Variants in IFNE observed in about 807,000 individuals in gnomAD.
IFNE encodes the protein IFN-epsilon.
For missense variants in IFNE, 276 were observed against 232.4 expected (o/e 1.19, Z -1.22); for synonymous variants, 94 against 87.4 (o/e 1.08, Z -0.42).
chr9:21,481,640 T>G lies in IFNE; in HGVS notation c.55A>C (p.Ile19Leu). Residue 19 changes from isoleucine (I) to leucine (L), a missense_variant, in exon 1 of 1, where the codon ATC (isoleucine) becomes CTC (leucine). Coordinates refer to ENST00000448696, the MANE Select transcript of IFNE (RefSeq NM_176891.5). Reference sequence around the variant, plus strand: ...ATCAGTTTCAAATCTAGAGAGAAGATAGTGGTAGAGGCCAGCAGCACCAAC... The same window carrying G: ...ATCAGTTTCAAATCTAGAGAGAAGAGAGTGGTAGAGGCCAGCAGCACCAAC... ...TVLVLLASTT[I>L]FSLDLKLIIF... 2.5e-6 allele frequency: 4 copies of G among 1,613,980 alleles called. No homozygotes were observed. Among genetic ancestry groups the G allele is most frequent in the South Asian group, 2.2e-5 (2 of 91,062 alleles).
In IFNE at chr9:21,481,385, T is replaced by C. The variant is rs1819038252; in HGVS notation, c.310A>G (p.Asn104Asp). ...ANISLDGWEENHTEKFLIQLH... is the reference protein window; with the variant it reads ...ANISLDGWEEDHTEKFLIQLH... ...TGAATGAGGAATTTCTCCGTGTGGT[T>C]TTCCTCCCAACCATCCAGAGAAATA... The change falls in exon 1 of 1, where the codon AAC (asparagine) becomes GAC (aspartate). Residue 104 changes from asparagine (N) to aspartate (D), a missense_variant. Asn to Asp is a conservative substitution (Grantham distance 23). Transcript: ENST00000448696. 1 of 1,614,006 alleles carries C rather than the reference T, an allele frequency of 6.2e-7. No individual in the cohort carries two copies. Among genetic ancestry groups the C allele is most frequent in the Non-Finnish European group, 8.5e-7 (1 of 1,179,982 alleles).
Position 21,482,010 on chromosome 9 carries a change from T to A in IFNE, c.-316A>T, listed in dbSNP as rs1819060801. On this transcript the variant is annotated 5_prime_UTR_variant, in exon 1 of 1. It removes an upstream start codon present in the reference 5' UTR. Coordinates refer to ENST00000448696, the MANE Select transcript of IFNE (RefSeq NM_176891.5). ...ACATAATCTTTTATTATTCTATTCA[T>A]TATATACAAAGTTTCACTGAACACA... 1 of 238,200 alleles carries A rather than the reference T, an allele frequency of 4.2e-6. No individual in the cohort carries two copies. Among genetic ancestry groups the A allele is most frequent in the Non-Finnish European group, 8.7e-6 (1 of 114,688 alleles). 14.8% of individuals were successfully genotyped at this position (238,200 alleles called of 1,614,324 possible).
At position 21,481,197 on chromosome 9, in the gene IFNE, G is replaced by A. The variant is rs1264116901; in HGVS notation, c.498C>T (p.Ala166=). The change falls in exon 1 of 1, where the codon GCC becomes GCT. Residue 166 remains alanine (A), a synonymous_variant. Coordinates refer to ENST00000448696, the MANE Select transcript of IFNE (RefSeq NM_176891.5). ...ENQDYSTCAW[A]IVQVEISRCL... is the part of the protein sequence containing the mutation. The stretch of plus-strand genomic sequence containing the variant: ...ATCGGCTGATTTCTACTTGGACAAT[G>A]GCCCAGGCACAGGTGCTGTAGTCCT... The A allele has an allele frequency of 6.2e-7, 1 of 1,614,158 alleles. No homozygotes were observed. The highest frequency in any genetic ancestry group is 1.7e-5 in the Admixed American group (1 of 60,028).
At position 21,482,213 on chromosome 9, in the gene IFNE, C is replaced by A. The variant is rs1045675485; in HGVS notation, c.-519G>T. On this transcript the variant is annotated 5_prime_UTR_variant, in exon 1 of 1. Transcript: ENST00000448696. ...ACTAAATTTAAAACCTCAATTAGAA[C>A]TGTAAATTGTCACAAATGCTTGAGC... The A allele has an allele frequency of 1.8e-5, 3 of 166,652 alleles. No homozygotes were observed. Among genetic ancestry groups the A allele is most frequent in the African/African-American group, 7.3e-5 (3 of 41,288 alleles). The allele number at this position is 166,652 out of a possible 1,614,324, so 10.3% of individuals were successfully genotyped here.
Position 21,480,882 on chromosome 9 carries a change from A to G in IFNE, c.*186T>C. The G allele has an allele frequency of 2.1e-6, 1 of 481,934 alleles. No homozygotes were observed. The highest frequency in any genetic ancestry group is 4.6e-5 in the South Asian group (1 of 21,950). The allele number at this position is 481,934 out of a possible 1,614,324, so 29.9% of individuals were successfully genotyped here. On this transcript the variant is annotated 3_prime_UTR_variant, in exon 1 of 1. Transcript: ENST00000448696. ...TTAATGAATTTATTTTGACATACAA[A>G]CAATTTAAAATGGATAGAATATATA...
rs1563902603 is a variant in IFNE at position 21,481,775 on chromosome 9, C to T, written c.-81G>A. The T allele has an allele frequency of 7.9e-7, 1 of 1,265,594 alleles. No individual in the cohort carries two copies. Among genetic ancestry groups the T allele is most frequent in the South Asian group, 1.5e-5 (1 of 68,884 alleles). The allele number at this position is 1,265,594 out of a possible 1,614,324, so 78.4% of individuals were successfully genotyped here. ...TAGTGAATGTTTGCCTTTCATGCAT[C>T]TCAGATTATTTTGGAGAGTGTTCTC... On this transcript the variant is annotated 5_prime_UTR_variant, in exon 1 of 1. Coordinates refer to ENST00000448696, the MANE Select transcript of IFNE (RefSeq NM_176891.5).
chr9:21,481,611 G>C lies in IFNE; in HGVS notation c.84C>G (p.Ile28Met). The C allele has an allele frequency of 6.2e-7, 1 of 1,614,022 alleles. No individual in the cohort carries two copies. Among genetic ancestry groups the C allele is most frequent in the Non-Finnish European group, 8.5e-7 (1 of 1,179,898 alleles). ...TIFSLDLKLIIFQQRQVNQES... is the reference protein window; with the variant it reads ...TIFSLDLKLIMFQQRQVNQES... ...CTTGATTCACTTGTCTTTGCTGGAA[G>C]ATAATCAGTTTCAAATCTAGAGAGA... The change falls in exon 1 of 1, where the codon ATC becomes ATG. Residue 28 changes from isoleucine to methionine, a missense_variant. By Grantham distance (10) the Ile-to-Met change is conservative (BLOSUM62 1). Coordinates refer to ENST00000448696, the MANE Select transcript of IFNE (RefSeq NM_176891.5).
Position 21,481,608 on chromosome 9 carries a change from G to A in IFNE, c.87C>T (p.Phe29=). The A allele has an allele frequency of 6.2e-7, 1 of 1,614,032 alleles. No homozygotes were observed. Among genetic ancestry groups the A allele is most frequent in the South Asian group, 1.1e-5 (1 of 91,070 alleles). ...IFSLDLKLII[F]QQRQVNQESL... ...TTTCTTGATTCACTTGTCTTTGCTG[G>A]AAGATAATCAGTTTCAAATCTAGAG... Residue 29 remains phenylalanine, a synonymous_variant, in exon 1 of 1, where the codon TTC becomes TTT. Transcript: ENST00000448696.
In IFNE at chr9:21,481,595, C is replaced by T. The variant is rs1819045554; in HGVS notation, c.100G>A (p.Val34Met). The T allele has an allele frequency of 1.2e-6, 2 of 1,613,942 alleles. No individual in the cohort carries two copies. Among genetic ancestry groups the T allele is most frequent in the Non-Finnish European group, 8.5e-7 (1 of 1,179,970 alleles). ...AAGAGTTTTAAACTTTCTTGATTCA[C>T]TTGTCTTTGCTGGAAGATAATCAGT... ...LKLIIFQQRQ[V>M]NQESLKLLNK... Residue 34 changes from valine (V) to methionine (M), a missense_variant, in exon 1 of 1, where the codon GTG (valine) becomes ATG (methionine). Val to Met is a conservative substitution (Grantham distance 21). Transcript: ENST00000448696.
Position 21,480,986 on chromosome 9 carries a change from A to C in IFNE, c.*82T>G, listed in dbSNP as rs1231449839. 6.2e-6 allele frequency: 7 copies of C among 1,121,080 alleles called. No homozygotes were observed. In the Admixed American group the frequency reaches 1.4e-4, roughly 23 times the overall value. 69.4% of individuals were successfully genotyped at this position (1,121,080 alleles called of 1,614,324 possible). A position where few individuals can be genotyped will look rare whatever the true frequency, so the allele number is the denominator to read the frequency against. On this transcript the variant is annotated 3_prime_UTR_variant, in exon 1 of 1. Transcript: ENST00000448696. ...ACAGATAAATATATATATACACAAA[A>C]TCAAAGCAATGTGATTGTACTATAA...
In IFNE at chr9:21,481,165, A is replaced by C; in HGVS notation, c.530T>G (p.Phe177Cys). 6.2e-7 allele frequency: 1 copy of C among 1,614,158 alleles called. No individual in the cohort carries two copies. The highest frequency in any genetic ancestry group is 1.3e-5 in the African/African-American group (1 of 75,034). The change falls in exon 1 of 1, where the codon TTC becomes TGC. Residue 177 changes from phenylalanine to cysteine, a missense_variant. Physicochemically the swap from Phe to Cys is radical, Grantham distance 205. Coordinates refer to ENST00000448696, the MANE Select transcript of IFNE (RefSeq NM_176891.5). ...IVQVEISRCLFFVFSLTEKLS... is the reference protein window; with the variant it reads ...IVQVEISRCLCFVFSLTEKLS... ...TTTTTCTGTGAGACTGAACACAAAG[A>C]ACAGACATCGGCTGATTTCTACTTG...
Position 21,481,266 on chromosome 9 carries a change from T to C in IFNE, c.429A>G (p.Gln143=). The change falls in exon 1 of 1, where the codon CAA becomes CAG. Residue 143 remains glutamine (Q), a synonymous_variant. Coordinates refer to ENST00000448696, the MANE Select transcript of IFNE (RefSeq NM_176891.5). ...GTLGSDNLRL[Q]VKMYFRRIHD... The stretch of plus-strand genomic sequence containing the variant: ...GGATCCTTCGGAAGTACATTTTAAC[T>C]TGTAATCTAAGGTTATCACTACCCA... 1 of 1,614,162 alleles carries C rather than the reference T, an allele frequency of 6.2e-7. No individual in the cohort carries two copies.
chr9:21,482,048 A>C lies in IFNE; in HGVS notation c.-354T>G. 1 of 186,530 alleles carries C rather than the reference A, an allele frequency of 5.4e-6. No individual in the cohort carries two copies. The highest frequency in any genetic ancestry group is 1.2e-5 in the Non-Finnish European group (1 of 81,364). The allele number at this position is 186,530 out of a possible 1,614,324, so 11.6% of individuals were successfully genotyped here. ...TTCACTGAACACAATGTGCTTTCTA[A>C]ATATTTAGTCAAGCTTATTAAAGTT... On this transcript the variant is annotated 5_prime_UTR_variant, in exon 1 of 1. In the 5' UTR this introduces an upstream ATG that the reference lacks. Transcript: ENST00000448696.
chr9:21,480,881 A>G lies in IFNE; in HGVS notation c.*187T>C. On this transcript the variant is annotated 3_prime_UTR_variant, in exon 1 of 1. Transcript: ENST00000448696. ...ATTAATGAATTTATTTTGACATACA[A>G]ACAATTTAAAATGGATAGAATATAT... is the stretch of plus-strand genomic sequence containing the variant. The G allele has an allele frequency of 2.1e-6, 1 of 481,682 alleles. No individual in the cohort carries two copies. The highest frequency in any genetic ancestry group is 3.3e-5 in the East Asian group (1 of 30,250). The allele number at this position is 481,682 out of a possible 1,614,324, so 29.8% of individuals were successfully genotyped here. A position where few individuals can be genotyped will look rare whatever the true frequency, so the allele number is the denominator to read the frequency against.
chr9:21,481,305 C>G lies in IFNE; in HGVS notation c.390G>C (p.Lys130Asn). ...LEALMGLEAE[K>N]LSGTLGSDNL... ...TATCACTACCCAAAGTACCACTTAGCTTCTCTGCTTCCAGTCCCATGAGTG... is the reference window on the plus strand; with the variant it reads ...TATCACTACCCAAAGTACCACTTAGGTTCTCTGCTTCCAGTCCCATGAGTG... Residue 130 changes from lysine to asparagine, a missense_variant, in exon 1 of 1, where the codon AAG becomes AAC. Coordinates refer to ENST00000448696, the MANE Select transcript of IFNE (RefSeq NM_176891.5). The G allele has an allele frequency of 1.2e-6, 2 of 1,614,170 alleles. No individual in the cohort carries two copies.
rs1396476837 is a variant in IFNE at position 21,481,365 on chromosome 9, G to A, written c.330C>T (p.Leu110=). ...ATTCTAGCTGTTGATGAAGTTGAAT[G>A]AGGAATTTCTCCGTGTGGTTTTCCT... is the stretch of plus-strand genomic sequence containing the variant. ...GWEENHTEKF[L]IQLHQQLEYL... The change falls in exon 1 of 1, where the codon CTC becomes CTT. Residue 110 remains leucine (L), a synonymous_variant. Coordinates refer to ENST00000448696, the MANE Select transcript of IFNE (RefSeq NM_176891.5). 9 of 1,614,046 alleles carry A rather than the reference G, an allele frequency of 5.6e-6. No homozygotes were observed. The highest frequency in any genetic ancestry group is 7.6e-6 in the Non-Finnish European group (9 of 1,180,014).
chr9:21,481,298 C>A lies in IFNE; in HGVS notation c.397G>T (p.Gly133Cys). The change falls in exon 1 of 1, where the codon GGT becomes TGT. Residue 133 changes from glycine (G) to cysteine (C), a missense_variant. Coordinates refer to ENST00000448696, the MANE Select transcript of IFNE (RefSeq NM_176891.5). ...CTAAGGTTATCACTACCCAAAGTAC[C>A]ACTTAGCTTCTCTGCTTCCAGTCCC... The part of the protein sequence containing the change: ...LMGLEAEKLS[G>C]TLGSDNLRLQ... 1 of 1,614,110 alleles carries A rather than the reference C, an allele frequency of 6.2e-7. No homozygotes were observed. Among genetic ancestry groups the A allele is most frequent in the Non-Finnish European group, 8.5e-7 (1 of 1,179,990 alleles).
chr9:21,481,884 C>G lies in IFNE; in HGVS notation c.-190G>C, dbSNP rs1005909675. 11 of 581,756 alleles carry G rather than the reference C, an allele frequency of 1.9e-5. No individual in the cohort carries two copies. The Admixed American group carries it at 3.5e-4, about 19-fold the overall frequency. The allele number at this position is 581,756 out of a possible 1,614,324, so 36.0% of individuals were successfully genotyped here. A position where few individuals can be genotyped will look rare whatever the true frequency, so the allele number is the denominator to read the frequency against. ...TTCCCTTTTCATGGTGTTCAGAGTA[C>G]ATTTTCTCCATTTCCCTATTGTGTT... is the stretch of plus-strand genomic sequence containing the variant. On this transcript the variant is annotated 5_prime_UTR_variant, in exon 1 of 1. An upstream start codon of the reference 5' UTR is lost. Coordinates refer to ENST00000448696, the MANE Select transcript of IFNE (RefSeq NM_176891.5).
Position 21,480,916 on chromosome 9 carries a change from T to A in IFNE, c.*152A>T. 1 of 588,506 alleles carries A rather than the reference T, an allele frequency of 1.7e-6. No individual in the cohort carries two copies. The highest frequency in any genetic ancestry group is 2.9e-6 in the Non-Finnish European group (1 of 349,056). The allele number at this position is 588,506 out of a possible 1,614,324, so 36.5% of individuals were successfully genotyped here. A position where few individuals can be genotyped will look rare whatever the true frequency, so the allele number is the denominator to read the frequency against. ...AATGGATAGAATATATAAAGCCACA[T>A]TACAAAATAAAAACAATTGTGGTCA... On this transcript the variant is annotated 3_prime_UTR_variant, in exon 1 of 1. Coordinates refer to ENST00000448696, the MANE Select transcript of IFNE (RefSeq NM_176891.5).
Sources: gnomAD v4.1 joint callset for allele counts on GRCh38, gnomAD v4.1.1 for gene constraint, MANE v1.5 for transcripts, NCBI Gene and HGNC (gene_info 2026-07-23, HGNC 2026-07-21) for gene names.